NSUN6: variants seen among roughly 807,000 people sequenced by gnomAD.
NSUN6 encodes the protein NOP2/Sun RNA methyltransferase 6.
Under a neutral mutation model 58.0 loss-of-function variants are expected in NSUN6, and 64 were observed. The ratio of observed to expected loss-of-function variants is 1.10; its 90% CI spans 0.90 to 1.36. The LOEUF (loss-of-function observed/expected upper bound fraction) is 1.36. Ranked by LOEUF, NSUN6 falls within the 40% of genes most tolerant of loss-of-function variation. The pLI is 0.00. For missense variants in NSUN6, 701 were observed against 550.1 expected (o/e 1.27, Z -2.74); for synonymous variants, 231 against 193.9 (o/e 1.19, Z -1.59).
At chr10:18,655,562 C>G (rs572914835), upstream of NSUN6, among the ~76,000 whole-genome samples, 2 of 152,110 alleles carry the variant, frequency 1.3e-5, no homozygotes, top group African/African-American at 4.8e-5. Flanking sequence ...TCTGACATGT[C>G]AAGAGAGTCA....
chr10:18,585,699 G>C (rs2057100609), intron 8 of NSUN6, among the ~76,000 whole-genome samples: 1 of 152,154 alleles, frequency 6.6e-6, no homozygotes. Context: ...CAAAGTTTCA[G>C]ATGGACGGGA....
chr10:18,563,584 TTCCATTC>T (rs1189262501), intron 8 of NSUN6, among the ~76,000 whole-genome samples: 7 of 150,904 alleles, frequency 4.6e-5, no homozygotes, highest in African/African-American at 9.7e-5. Context: ...TTCCCTTCCA[TTCCATTC>T]TCCATTCCAT....
chr10:18,649,116 T>C (rs1256424837), intron 1 of NSUN6, among the ~76,000 whole-genome samples: 1 of 152,148 alleles, frequency 6.6e-6, no homozygotes, highest in African/African-American at 2.4e-5. Flanking sequence ...ATAAGTAATA[T>C]TGATATAGTC....
upstream of NSUN6, among the ~76,000 whole-genome samples, chr10:18,656,401 G>A (rs1411467850): frequency 1.3e-5 from 2 of 152,182 alleles, no homozygotes; most frequent in African/African-American, 4.8e-5. Context: ...ACTGGGCATG[G>A]TGGTGCATGC....
At chr10:18,549,915 A>C (rs906439768) in intron 9 of NSUN6, among the ~76,000 whole-genome samples, 2 of 152,240 alleles carry the variant, frequency 1.3e-5, no homozygotes, top group Admixed American at 6.5e-5. Context: ...AAGTAAGATG[A>C]CTATCACCAA....
upstream of NSUN6, chr10:18,655,243 C>T (rs755550518): frequency 4.5e-6 from 3 of 669,250 alleles, no homozygotes; most frequent in Non-Finnish European, 5.5e-6. Flanking sequence ...TGAAGTTTAG[C>T]AGGGTTCCTG....
At chr10:18,632,136 G>C (rs963913396) in intron 3 of NSUN6, among the ~76,000 whole-genome samples, 8 of 151,866 alleles carry the variant, frequency 5.3e-5, no homozygotes, top group Admixed American at 2.0e-4. Flanking sequence ...ACAAACCTGA[G>C]AAAAACAAGC....
chr10:18,638,057 C>G (rs1418625133), intron 3 of NSUN6, among the ~76,000 whole-genome samples: 1 of 152,272 alleles, frequency 6.6e-6, no homozygotes, highest in Admixed American at 6.5e-5. Flanking sequence ...CTAGTTTTCA[C>G]TTGCTTCTAT....
chr10:18,623,889 T>A (rs1413499640), intron 3 of NSUN6, among the ~76,000 whole-genome samples: 1 of 152,100 alleles, frequency 6.6e-6, no homozygotes, highest in Non-Finnish European at 1.5e-5. Context: ...TTGCAGTACT[T>A]CCCAGAAAAC....
intron 7 of NSUN6, among the ~76,000 whole-genome samples, chr10:18,590,622 A>G (rs777967160): frequency 6.6e-6 from 1 of 152,254 alleles, no homozygotes; most frequent in East Asian, 1.9e-4. Flanking sequence ...CCGCACGACT[A>G]CATGGAAATT....
chr10:18,568,991 T>TC (rs1413852866), intron 8 of NSUN6, among the ~76,000 whole-genome samples: 1 of 151,254 alleles, frequency 6.6e-6, no homozygotes, highest in East Asian at 1.9e-4. Flanking sequence ...TCCATTCCCT[T>TC]CCCCATTCCT....
intron 9 of NSUN6, 57 bp downstream of exon 9, chr10:18,551,761 GTAGTT>G (rs1251794580): frequency 7.1e-7 from 1 of 1,408,466 alleles, no homozygotes; most frequent in Admixed American, 1.7e-5. Context: ...ATTGCTGTCA[GTAGTT>G]TAAACATCAA....
chr10:18,595,228 A>G (rs2057539314), intron 7 of NSUN6, among the ~76,000 whole-genome samples: 1 of 152,230 alleles, frequency 6.6e-6, no homozygotes, highest in South Asian at 2.1e-4. Flanking sequence ...CTGAGCCCCC[A>G]AAATGTTTAG....
chr10:18,614,434 T>C (rs2058340386), intron 5 of NSUN6, 26 bp downstream of exon 5: 1 of 1,362,110 alleles, frequency 7.3e-7, no homozygotes. Flanking sequence ...AGGATGCTGA[T>C]TTCCCCAAAG....
At chr10:18,597,296 G>C (rs1216923101) in intron 6 of NSUN6, among the ~76,000 whole-genome samples, 1 of 152,142 alleles carries the variant, frequency 6.6e-6, no homozygotes, top group Non-Finnish European at 1.5e-5. Context: ...TATTTGGCAA[G>C]AAAAACAGAG....
At chr10:18,623,498 G>C (rs1481162917) in intron 3 of NSUN6, among the ~76,000 whole-genome samples, 1 of 152,130 alleles carries the variant, frequency 6.6e-6, no homozygotes, top group Non-Finnish European at 1.5e-5. Flanking sequence ...GAAAAGGAGA[G>C]GCTCCTGGAG....
chr10:18,551,630 C>A, intron 9 of NSUN6, 193 bp downstream of exon 9: 2 of 427,282 alleles, frequency 4.7e-6, no homozygotes, highest in South Asian at 1.5e-4. Context: ...AATCTCATTC[C>A]CTTTGAAGGC....
intron 8 of NSUN6, among the ~76,000 whole-genome samples, chr10:18,565,960 C>CTT (rs2055900068): frequency 6.7e-6 from 1 of 150,344 alleles, no homozygotes; most frequent in Non-Finnish European, 1.5e-5. Context: ...ATTCTCCATT[C>CTT]CATTCTCTTC....
intron 8 of NSUN6, among the ~76,000 whole-genome samples, chr10:18,575,207 G>A (rs1179453715): frequency 1.3e-5 from 2 of 152,146 alleles, no homozygotes; most frequent in African/African-American, 4.8e-5. Context: ...TGGTTGTATA[G>A]GAATTTATAC....
Sources: allele counts gnomAD v4.1 joint callset (sites outside exome capture counted in the v4.1 genomes callset), GRCh38; gene constraint gnomAD v4.1.1; transcripts MANE v1.5; gene names NCBI Gene and HGNC (gene_info 2026-07-23, HGNC 2026-07-21).